HS3ST3A1: variants seen among roughly 807,000 people sequenced by gnomAD.
HS3ST3A1 encodes the protein heparan sulfate glucosamine 3-O-sulfotransferase 3A1.
HS3ST3A1 carries 19 observed loss-of-function variants against 25.7 expected under a neutral mutation model. The ratio of observed to expected loss-of-function variants is 0.74; its 90% CI spans 0.52 to 1.08. HS3ST3A1 has a LOEUF of 1.08. Ranked by LOEUF, HS3ST3A1 falls within the 50% of genes least tolerant of loss-of-function variation. The pLI, the probability that HS3ST3A1 is intolerant of heterozygous loss-of-function variation, is 0.00. For missense variants in HS3ST3A1, 459 were observed against 594.3 expected (o/e 0.77, Z 2.37); for synonymous variants, 226 against 278.6 (o/e 0.81, Z 1.88).
chr17:13,498,206 T>C (rs2142288888), intron 1 of HS3ST3A1, among the ~76,000 whole-genome samples: 1 of 152,320 alleles, frequency 6.6e-6, no homozygotes, highest in South Asian at 2.1e-4. Context: ...CCATCTGCAT[T>C]ATTTCTAGCA....
intron 1 of HS3ST3A1, among the ~76,000 whole-genome samples, chr17:13,551,384 AATAAATAT>A (rs1036417191): frequency 1.5e-5 from 2 of 132,938 alleles, no homozygotes; most frequent in African/African-American, 2.9e-5. Context: ...TAAATAAATA[AATAAATAT>A]AAAAATAAAT....
intron 1 of HS3ST3A1, among the ~76,000 whole-genome samples, chr17:13,512,321 A>AAAAAAAAAAAAAAAAAAAAAAAC (rs1395357582): frequency 2.1e-5 from 3 of 144,676 alleles, no homozygotes; most frequent in Non-Finnish European, 3.0e-5. Flanking sequence ...AAAAAAAAAA[A>AAAAAAAAAAAAAAAAAAAAAAAC]AAAAAACTGC....
At chr17:13,572,120 T>G (rs12941976) in intron 1 of HS3ST3A1, among the ~76,000 whole-genome samples, 13,856 of 152,206 alleles carry the variant, frequency 0.091, 793 homozygotes, top group Non-Finnish European at 0.13. Flanking sequence ...TAACCAAATG[T>G]TGCTGGATAG....
intron 1 of HS3ST3A1, among the ~76,000 whole-genome samples, chr17:13,590,892 G>A (rs779610608): frequency 4.0e-5 from 6 of 148,938 alleles, no homozygotes; most frequent in Admixed American, 6.7e-5. Flanking sequence ...GCAAGGTTCC[G>A]GGAGAGCACT....
chr17:13,551,347 C>CAATA lies in HS3ST3A1; in HGVS notation c.599+49180_599+49183dup, dbSNP rs71144973. Among the ~76,000 whole-genome samples the CAATA allele has an allele frequency of 3.7e-3, 517 of 141,370 alleles. 3 individuals are homozygous for CAATA. Among genetic ancestry groups the CAATA allele is most frequent in the East Asian group, 6.2e-3 (30 of 4,838 alleles). 92.7% of individuals were successfully genotyped at this position (141,370 alleles called of 152,430 possible). A position where few individuals can be genotyped will look rare whatever the true frequency, so the allele number is the denominator to read the frequency against. ...CTGGCGACACGGAGAGACTCCATCT[C>CAATA]AATAAATAAATAAATAAATAAATAA... On this transcript the variant is annotated intron_variant, in intron 1 of 1. Coordinates refer to ENST00000284110, the MANE Select transcript of HS3ST3A1 (RefSeq NM_006042.3).
chr17:13,529,739 T>C (rs962077018), intron 1 of HS3ST3A1, among the ~76,000 whole-genome samples: 9 of 152,184 alleles, frequency 5.9e-5, no homozygotes, highest in Non-Finnish European at 1.3e-4. Flanking sequence ...AAACATTTTG[T>C]GGGTTGACTT....
chr17:13,504,553 GGC>G (rs1905593716), intron 1 of HS3ST3A1, among the ~76,000 whole-genome samples: 1 of 152,132 alleles, frequency 6.6e-6, no homozygotes, highest in Non-Finnish European at 1.5e-5. Flanking sequence ...CCCGGGTGCT[GGC>G]TACAGAAGCG....
chr17:13,518,147 T>C (rs577513232), intron 1 of HS3ST3A1, among the ~76,000 whole-genome samples: 1 of 152,308 alleles, frequency 6.6e-6, no homozygotes, highest in East Asian at 1.9e-4. Flanking sequence ...CTTGTACAAA[T>C]TTAATTTACA....
Position 13,589,007 on chromosome 17 carries a change from TG to T in HS3ST3A1, c.599+11523del, listed in dbSNP as rs202111941. Among the ~76,000 whole-genome samples, 858 of 152,346 alleles carry T rather than the reference TG, an allele frequency of 5.6e-3. 7 individuals are homozygous for T. The highest frequency in any genetic ancestry group is 0.019 in the African/African-American group (800 of 41,586). On this transcript the variant is annotated intron_variant, in intron 1 of 1. Transcript: ENST00000284110. ...TCAGACATTCATGTCTTGTGATTCA[TG>T]TTTGAAAAACTCACTGGTCCACTCC...
chr17:13,585,840 G>GT (rs1207776880), intron 1 of HS3ST3A1, among the ~76,000 whole-genome samples: 821 of 61,994 alleles, frequency 0.013, 95 homozygotes, highest in African/African-American at 0.023. Flanking sequence ...CTCCTTCTGC[G>GT]TTTTTTTTTT....
rs76066760 is a variant in HS3ST3A1, at chr17:13,497,234, G to C, written c.600-416C>G. On this transcript the variant is annotated intron_variant, in intron 1 of 1. Coordinates refer to ENST00000284110, the MANE Select transcript of HS3ST3A1 (RefSeq NM_006042.3). ...ATGAGATAGTATTAAAATATCCTGAGCCCTTCCTGTAGTTTTCTTATAAAC... is the reference window on the plus strand; with the variant it reads ...ATGAGATAGTATTAAAATATCCTGACCCCTTCCTGTAGTTTTCTTATAAAC... Among the ~76,000 whole-genome samples the C allele has an allele frequency of 3.2e-3, 491 of 152,210 alleles. 5 individuals carry two copies. Among genetic ancestry groups the C allele is most frequent in the African/African-American group, 0.011 (460 of 41,510 alleles).
intron 1 of HS3ST3A1, among the ~76,000 whole-genome samples, chr17:13,560,182 C>T (rs1024347442): frequency 1.3e-4 from 19 of 148,072 alleles, no homozygotes; most frequent in African/African-American, 4.5e-4. Context: ...GCCAGCTACT[C>T]GCGAGGCTGA....
intron 1 of HS3ST3A1, among the ~76,000 whole-genome samples, chr17:13,523,143 A>T (rs1216535799): frequency 6.6e-6 from 1 of 152,218 alleles, no homozygotes; most frequent in East Asian, 1.9e-4. Context: ...AGACTCTAGG[A>T]TCAAGCTAAA....
chr17:13,531,115 T>G (rs912937464), intron 1 of HS3ST3A1, among the ~76,000 whole-genome samples: 5 of 152,184 alleles, frequency 3.3e-5, no homozygotes, highest in African/African-American at 1.2e-4. Flanking sequence ...AATCAAGCAT[T>G]TAGGGAATAA....
chr17:13,570,737 T>A (rs1231597761), intron 1 of HS3ST3A1, among the ~76,000 whole-genome samples: 1 of 152,246 alleles, frequency 6.6e-6, no homozygotes, highest in Non-Finnish European at 1.5e-5. Flanking sequence ...CCCAAAGTGC[T>A]GGGATTACGG....
chr17:13,546,357 C>T (rs1907087706), intron 1 of HS3ST3A1, among the ~76,000 whole-genome samples: 1 of 152,064 alleles, frequency 6.6e-6, no homozygotes, highest in African/African-American at 2.4e-5. Flanking sequence ...TCTCTGCCTC[C>T]CAGGTTCAAG....
At chr17:13,583,512 G>A (rs1908169105) in intron 1 of HS3ST3A1, among the ~76,000 whole-genome samples, 1 of 152,042 alleles carries the variant, frequency 6.6e-6, no homozygotes, top group African/African-American at 2.4e-5. Flanking sequence ...CCAGTTTTCT[G>A]GGCTCCTCAT....
At chr17:13,521,190 T>C (rs1164430010) in intron 1 of HS3ST3A1, among the ~76,000 whole-genome samples, 1 of 152,198 alleles carries the variant, frequency 6.6e-6, no homozygotes, top group Non-Finnish European at 1.5e-5. Context: ...GTCCCCGTGT[T>C]TTGTGTTCTG....
chr17:13,596,182 T>C (rs1379134310), intron 1 of HS3ST3A1, among the ~76,000 whole-genome samples: 5 of 152,158 alleles, frequency 3.3e-5, no homozygotes, highest in Admixed American at 3.3e-4. Context: ...ATCTCATCCC[T>C]GTAAAGGAAT....
Sources: allele counts gnomAD v4.1 joint callset (sites outside exome capture counted in the v4.1 genomes callset), GRCh38; gene constraint gnomAD v4.1.1; transcripts MANE v1.5; gene names NCBI Gene and HGNC (gene_info 2026-07-23, HGNC 2026-07-21).